Variants in RCAN1 observed in about 807,000 individuals in gnomAD.
RCAN1 encodes regulator of calcineurin 1.
RCAN1 carries 11 observed loss-of-function variants against 22.9 expected under a neutral mutation model. The observed-to-expected ratio is 0.48, with a 90% CI of 0.30 to 0.79. The LOEUF (loss-of-function observed/expected upper bound fraction) is 0.79. Among genes scored for constraint, RCAN1 ranks in the 30% least tolerant of loss-of-function variants. The pLI is 0.06. For synonymous variants in RCAN1, 136 were observed against 142.3 expected (o/e 0.96, Z 0.32); for missense variants, 291 against 337.8 (o/e 0.86, Z 1.09).
chr21:34,571,905 T>C (rs1987247386), intron 1 of RCAN1, among the ~76,000 whole-genome samples: 1 of 152,216 alleles, frequency 6.6e-6, no homozygotes, highest in Non-Finnish European at 1.5e-5. Context: ...TGTTGTAAAT[T>C]ACAACAAATG....
chr21:34,560,613 T>C (rs1160585428), intron 1 of RCAN1, among the ~76,000 whole-genome samples: 2 of 152,196 alleles, frequency 1.3e-5, no homozygotes, highest in Non-Finnish European at 2.9e-5. Context: ...ACGGAAACCA[T>C]TTCTCAATTC....
chr21:34,537,428 A>G (rs982414788), intron 1 of RCAN1, among the ~76,000 whole-genome samples: 9 of 152,216 alleles, frequency 5.9e-5, no homozygotes, highest in Admixed American at 5.9e-4. Context: ...GAGGTGTCAC[A>G]CAGAAATAGA....
chr21:34,544,021 C>A (rs1214606995), intron 1 of RCAN1, among the ~76,000 whole-genome samples: 4 of 152,248 alleles, frequency 2.6e-5, no homozygotes, highest in South Asian at 2.1e-4. Context: ...AATTTGGGAA[C>A]AATCTAAGTC....
chr21:34,576,660 T>C (rs1461919835), intron 1 of RCAN1, among the ~76,000 whole-genome samples: 1 of 152,202 alleles, frequency 6.6e-6, no homozygotes, highest in African/African-American at 2.4e-5. Flanking sequence ...AGTCTGAACA[T>C]TTTGGTCAAT....
At chr21:34,601,298 T>A (rs1988331685) in intron 1 of RCAN1, among the ~76,000 whole-genome samples, 1 of 152,234 alleles carries the variant, frequency 6.6e-6, no homozygotes, top group Non-Finnish European at 1.5e-5. Context: ...ATTTGTATTA[T>A]GTCTTTTCAT....
At chr21:34,586,652 A>G (rs1472584738) in intron 1 of RCAN1, among the ~76,000 whole-genome samples, 1 of 152,230 alleles carries the variant, frequency 6.6e-6, no homozygotes, top group African/African-American at 2.4e-5. Flanking sequence ...AAGAGATTAA[A>G]GAAAGTAGAA....
In RCAN1 at chr21:34,614,978, C is replaced by T; in HGVS notation, c.34G>A (p.Ala12Thr). The change falls in exon 1 of 4, where the codon GCC becomes ACC. Residue 12 changes from alanine (A) to threonine (T), a missense_variant. Transcript: ENST00000313806. The surrounding 1 kb of genome is among the most constrained non-coding windows in gnomAD (Gnocchi z 6.0). ...EDGVAGPQLG[A>T]AAEAAEAAEA... The stretch of plus-strand genomic sequence containing the variant: ...GCCGCCTCCGCCGCCTCCGCCGCGG[C>T]CCCGAGCTGGGGACCGGCCACGCCG... The T allele has an allele frequency of 1.8e-6, 2 of 1,127,596 alleles. No individual in the cohort carries two copies. The highest frequency in any genetic ancestry group is 8.4e-5 in the South Asian group (2 of 23,952). The allele number at this position is 1,127,596 out of a possible 1,614,324, so 69.8% of individuals were successfully genotyped here.
chr21:34,555,764 T>A (rs1183983224), intron 1 of RCAN1, among the ~76,000 whole-genome samples: 1 of 151,476 alleles, frequency 6.6e-6, no homozygotes, highest in Non-Finnish European at 1.5e-5. Flanking sequence ...AAGGTATTTT[T>A]AAAAAAATAA....
At chr21:34,576,281 C>T (rs1987408711) in intron 1 of RCAN1, among the ~76,000 whole-genome samples, 1 of 152,188 alleles carries the variant, frequency 6.6e-6, no homozygotes, top group Non-Finnish European at 1.5e-5. Context: ...CAGAGCTCTG[C>T]AGGTTCGTAC....
At chr21:34,563,792 T>TAGAGAGAG (rs1400313535) in intron 1 of RCAN1, among the ~76,000 whole-genome samples, 1,843 of 74,502 alleles carry the variant, frequency 0.025, 12 homozygotes, top group Non-Finnish European at 0.034. Context: ...TATATATATA[T>TAGAGAGAG]ATAGAGAGAG....
chr21:34,538,919 G>A (rs1160541841), intron 1 of RCAN1, among the ~76,000 whole-genome samples: 1 of 152,140 alleles, frequency 6.6e-6, no homozygotes, highest in African/African-American at 2.4e-5. Flanking sequence ...CAAGCTCAAG[G>A]AATTAGAAGG....
chr21:34,541,198 A>G (rs1292702684), intron 1 of RCAN1, among the ~76,000 whole-genome samples: 2 of 152,214 alleles, frequency 1.3e-5, no homozygotes, highest in Non-Finnish European at 2.9e-5. Context: ...CTAGAAGTGG[A>G]GCGTAGCAAT....
chr21:34,589,866 C>T (rs1892701), intron 1 of RCAN1, among the ~76,000 whole-genome samples: 118,834 of 152,136 alleles, frequency 0.78, 46,701 homozygotes, highest in East Asian at 0.94. Context: ...AGATGGCAGA[C>T]TGTGGGACTT....
At chr21:34,603,971 G>A (rs1422775937) in intron 1 of RCAN1, among the ~76,000 whole-genome samples, 1 of 152,186 alleles carries the variant, frequency 6.6e-6, no homozygotes, top group Non-Finnish European at 1.5e-5. Context: ...GGACAAAGTG[G>A]ATGAGACATG....
intron 3 of RCAN1, among the ~76,000 whole-genome samples, chr21:34,520,118 G>A (rs1302257691): frequency 6.6e-6 from 1 of 152,154 alleles, no homozygotes; most frequent in African/African-American, 2.4e-5. Context: ...AAAAGCACAG[G>A]TGAAATATGA....
At chr21:34,578,127 T>G (rs1042776997) in intron 1 of RCAN1, among the ~76,000 whole-genome samples, 1 of 145,564 alleles carries the variant, frequency 6.9e-6, no homozygotes, top group African/African-American at 2.4e-5. Context: ...ACAACCAGCA[T>G]GAAGGCCACA....
chr21:34,565,328 G>A (rs373399591), intron 1 of RCAN1, among the ~76,000 whole-genome samples: 5 of 152,214 alleles, frequency 3.3e-5, no homozygotes, highest in African/African-American at 7.2e-5. Flanking sequence ...ACAAAAACCA[G>A]GTTTCCCTGG....
intron 1 of RCAN1, among the ~76,000 whole-genome samples, chr21:34,536,555 G>T (rs1025780676): frequency 1.3e-5 from 2 of 152,094 alleles, no homozygotes; most frequent in Admixed American, 1.3e-4. Flanking sequence ...TACTTTCCAG[G>T]GTTAATGCTG....
rs759770610 is a variant in RCAN1 at position 34,558,806 on chromosome 21, C to T, written c.253-35096G>A. ...AGAACATTTCATCTCCTGGATCTCG[C>T]CCTGTCTGTCGCAAAATCAACGGTA... is the stretch of plus-strand genomic sequence containing the variant. On this transcript the variant is annotated intron_variant, in intron 1 of 3. Transcript: ENST00000313806. Among the ~76,000 whole-genome samples the T allele has an allele frequency of 2.5e-4, 38 of 152,166 alleles. 1 individual carries two copies. The highest frequency in any genetic ancestry group is 4.7e-4 in the Non-Finnish European group (32 of 68,022).
Sources: allele counts gnomAD v4.1 joint callset (sites outside exome capture counted in the v4.1 genomes callset), GRCh38; gene constraint gnomAD v4.1.1; non-coding constraint Gnocchi (gnomAD v3.1); transcripts MANE v1.5; gene names NCBI Gene and HGNC (gene_info 2026-07-23, HGNC 2026-07-21).